Variants in SLC36A1 observed in about 807,000 individuals in gnomAD.
SLC36A1 encodes the protein proton-coupled amino acid transporter 1.
A neutral mutation model predicts 47.5 loss-of-function variants in SLC36A1; 30 were observed. The ratio of observed to expected loss-of-function variants is 0.63; its 90% CI spans 0.47 to 0.86. SLC36A1 has a LOEUF of 0.86. Among genes scored for constraint, SLC36A1 ranks in the 40% least tolerant of loss-of-function variants. SLC36A1 has a pLI of 0.00. For synonymous variants in SLC36A1, 255 were observed against 249.7 expected (o/e 1.02, Z -0.20); for missense variants, 517 against 606.0 (o/e 0.85, Z 1.54).
At chr5:151,378,892 A>T in the SLC36A1 span, among the ~76,000 whole-genome samples, 549 of 152,304 alleles carry the variant, frequency 3.6e-3, 2 homozygotes, top group African/African-American at 0.013. Flanking sequence ...GCCATGCTGC[A>T]CTCACCCAGC....
intron 4 of SLC36A1, 96 bp from the exon 5 acceptor site, chr5:151,464,978 G>T: frequency 1.1e-6 from 1 of 941,654 alleles, no homozygotes; most frequent in South Asian, 1.3e-5. Flanking sequence ...GGTGAAAGAT[G>T]GGAACTGGCC....
chr5:151,393,290 G>A, the SLC36A1 span, among the ~76,000 whole-genome samples: 21 of 152,046 alleles, frequency 1.4e-4, no homozygotes, highest in African/African-American at 4.6e-4. Context: ...TTGAGCCTAT[G>A]TGTGTGTCTG....
the SLC36A1 span, chr5:151,382,312 T>G: frequency 6.6e-6 from 7 of 1,063,430 alleles, no homozygotes; most frequent in Non-Finnish European, 1.0e-5. Flanking sequence ...CACAGTCGCC[T>G]CAGCAGCCTC....
the SLC36A1 span, among the ~76,000 whole-genome samples, chr5:151,518,372 ATAAT>A: frequency 6.7e-6 from 1 of 148,730 alleles, no homozygotes; most frequent in Non-Finnish European, 1.5e-5. Context: ...AATAATAATA[ATAAT>A]TTTTAAAAGA....
At chr5:151,353,432 G>A in the SLC36A1 span, among the ~76,000 whole-genome samples, 1 of 152,168 alleles carries the variant, frequency 6.6e-6, no homozygotes, top group Non-Finnish European at 1.5e-5. Flanking sequence ...AGCAGTCTTA[G>A]GTTCACAGCA....
At chr5:151,385,144 T>A in the SLC36A1 span, among the ~76,000 whole-genome samples, 2 of 152,038 alleles carry the variant, frequency 1.3e-5, no homozygotes, top group Admixed American at 6.6e-5. Flanking sequence ...ATTGGCCACC[T>A]GAGTACCACG....
At chr5:151,362,245 C>A in the SLC36A1 span, among the ~76,000 whole-genome samples, 4 of 151,920 alleles carry the variant, frequency 2.6e-5, no homozygotes, top group Admixed American at 6.6e-5. Flanking sequence ...TGTAGACATT[C>A]TGTTTTCTTT....
chr5:151,467,208 G>A lies in SLC36A1; in HGVS notation c.429G>A (p.Val143=). The A allele has an allele frequency of 6.2e-7, 1 of 1,612,022 alleles. No homozygotes were observed. Among genetic ancestry groups the A allele is most frequent in the Non-Finnish European group, 8.5e-7 (1 of 1,178,912 alleles). The change falls in exon 6 of 11, where the codon GTG becomes GTA. Residue 143 remains valine (V), a synonymous_variant. Coordinates refer to ENST00000243389, the MANE Select transcript of SLC36A1 (RefSeq NM_078483.4). ...RNHAHWGRRV[V]DFFLIVTQLG... is the part of the protein sequence containing the mutation. ...CCTTCCCCACCTCCAGACGTGTTGT[G>A]GACTTCTTCCTGATTGTCACCCAGC...
chr5:151,532,814 G>A, the SLC36A1 span, among the ~76,000 whole-genome samples: 4 of 152,142 alleles, frequency 2.6e-5, no homozygotes, highest in East Asian at 1.9e-4. Context: ...ATGAACACAC[G>A]CCCTGAGCCT....
chr5:151,456,534 T>C (rs1754541488), intron 1 of SLC36A1, among the ~76,000 whole-genome samples: 1 of 152,214 alleles, frequency 6.6e-6, no homozygotes, highest in Admixed American at 6.5e-5. Context: ...AATGCTGGTA[T>C]TAAGATACTT....
the SLC36A1 span, among the ~76,000 whole-genome samples, chr5:151,353,832 T>G: frequency 6.6e-6 from 1 of 152,220 alleles, no homozygotes; most frequent in Non-Finnish European, 1.5e-5. Flanking sequence ...GCCTTACAGA[T>G]TGTCTTCTTT....
At chr5:151,496,537 G>A (rs753191678), downstream of SLC36A1, among the ~76,000 whole-genome samples, 7 of 152,164 alleles carry the variant, frequency 4.6e-5, no homozygotes, top group Non-Finnish European at 7.3e-5. Context: ...AGCCTTTGGT[G>A]TTACCACTAT....
chr5:151,383,571 A>ATTTT, the SLC36A1 span, among the ~76,000 whole-genome samples: 3 of 132,438 alleles, frequency 2.3e-5, no homozygotes, highest in Admixed American at 1.5e-4. Flanking sequence ...TTTAACTTAA[A>ATTTT]TTTTTTTTTT....
the SLC36A1 span, among the ~76,000 whole-genome samples, chr5:151,369,360 C>G: frequency 1.3e-5 from 2 of 152,234 alleles, no homozygotes; most frequent in Non-Finnish European, 2.9e-5. Flanking sequence ...CTCTGACTTG[C>G]TTAATCTGTC....
chr5:151,402,482 G>A, the SLC36A1 span, among the ~76,000 whole-genome samples: 2 of 152,044 alleles, frequency 1.3e-5, no homozygotes, highest in African/African-American at 4.8e-5. Context: ...CCAGGTTTTG[G>A]TATCAGTATG....
the SLC36A1 span, among the ~76,000 whole-genome samples, chr5:151,548,571 C>T: frequency 6.6e-6 from 1 of 152,100 alleles, no homozygotes; most frequent in Non-Finnish European, 1.5e-5. Context: ...ACCTCTGCCT[C>T]CCAGGTTCAA....
At chr5:151,357,828 G>A in the SLC36A1 span, among the ~76,000 whole-genome samples, 4 of 152,116 alleles carry the variant, frequency 2.6e-5, no homozygotes, top group Non-Finnish European at 4.4e-5. Flanking sequence ...GAAATCTGCT[G>A]GTATTCTCCA....
chr5:151,476,979 G>GGGT (rs1561774895), intron 9 of SLC36A1: 1 of 673,908 alleles, frequency 1.5e-6, no homozygotes, highest in East Asian at 2.9e-5. Flanking sequence ...ATCAGCCGAT[G>GGGT]GGTAAGCCAT....
the SLC36A1 span, chr5:151,380,884 C>G: frequency 2.3e-6 from 1 of 429,136 alleles, no homozygotes; most frequent in South Asian, 1.9e-5. Context: ...TGAAGAAAGT[C>G]CAAGGGACGG....
Sources: gnomAD v4.1 joint callset for allele counts (sites outside exome capture counted in the v4.1 genomes callset) on GRCh38, gnomAD v4.1.1 for gene constraint, MANE v1.5 for transcripts, NCBI Gene and HGNC (gene_info 2026-07-23, HGNC 2026-07-21) for gene names.